The following RTTN variants were observed in gnomAD, a reference collection of about 807,000 sequenced individuals.
RTTN encodes the protein rotatin.
A neutral mutation model predicts 269.2 loss-of-function variants in RTTN; 182 were observed. That is an observed-to-expected ratio of 0.68 (90% CI 0.60 to 0.76). The LOEUF (loss-of-function observed/expected upper bound fraction) is 0.76, where lower values mean the gene tolerates loss of function less well. RTTN is among the 30% of genes least tolerant of loss of function. The pLI is 0.00. For missense variants in RTTN, 2,545 were observed against 2,608.6 expected (o/e 0.98, Z 0.53); for synonymous variants, 1,006 against 963.5 (o/e 1.04, Z -0.82).
chr18:70,144,077 G>A (rs989730120), intron 18 of RTTN, among the ~76,000 whole-genome samples: 3 of 152,028 alleles, frequency 2.0e-5, no homozygotes, highest in African/African-American at 4.8e-5. Context: ...CCTAGGCTGG[G>A]CTCAAGTGGT....
At chr18:70,065,270 T>TAAAAAAA (rs61422284) in intron 35 of RTTN, among the ~76,000 whole-genome samples, 16 of 132,924 alleles carry the variant, frequency 1.2e-4, no homozygotes, top group South Asian at 2.4e-4. Context: ...CTCTAGAATT[T>TAAAAAAA]AAAAAAAAAA....
At chr18:70,068,657 C>T (rs1258254948) in intron 34 of RTTN, among the ~76,000 whole-genome samples, 5 of 152,182 alleles carry the variant, frequency 3.3e-5, no homozygotes, top group Non-Finnish European at 7.3e-5. Flanking sequence ...TCAAGCTTCT[C>T]GCTGCTCTGC....
chr18:70,023,859 T>C (rs536414942), intron 44 of RTTN, among the ~76,000 whole-genome samples: 1 of 152,294 alleles, frequency 6.6e-6, no homozygotes, highest in East Asian at 1.9e-4. Flanking sequence ...CTCGGCTCAC[T>C]GTAACCTCCG....
At chr18:70,175,357 A>T (rs2061263957) in intron 11 of RTTN, among the ~76,000 whole-genome samples, 1 of 152,152 alleles carries the variant, frequency 6.6e-6, no homozygotes, top group Non-Finnish European at 1.5e-5. Context: ...TTTGTGAAAG[A>T]CACCTAAAGC....
At chr18:70,053,291 T>A (rs575990153) in intron 38 of RTTN, 55 of 152,340 alleles carry the variant, frequency 3.6e-4, no homozygotes, top group African/African-American at 1.3e-3. Flanking sequence ...TGTTTTTGCC[T>A]CACCCTCTTC....
intron 32 of RTTN, among the ~76,000 whole-genome samples, chr18:70,085,723 AT>A (rs969001532): frequency 6.6e-5 from 10 of 152,196 alleles, no homozygotes; most frequent in Non-Finnish European, 1.3e-4. Flanking sequence ...TAACTCAAAA[AT>A]AGAAAATCAA....
chr18:70,199,999 A>C (rs1568560850), intron 4 of RTTN, among the ~76,000 whole-genome samples: 1 of 152,260 alleles, frequency 6.6e-6, no homozygotes, highest in Non-Finnish European at 1.5e-5. Flanking sequence ...AGGTCAAAAA[A>C]CAAGTATCAG....
chr18:70,047,499 G>A (rs1455636798), intron 40 of RTTN, among the ~76,000 whole-genome samples: 1 of 152,042 alleles, frequency 6.6e-6, no homozygotes, highest in African/African-American at 2.4e-5. Context: ...TTGGAAAGGG[G>A]GCATTTTCTT....
intron 10 of RTTN, among the ~76,000 whole-genome samples, chr18:70,184,526 T>C (rs147592478): frequency 0.012 from 1,883 of 152,020 alleles, 23 homozygotes; most frequent in South Asian, 0.039. Context: ...CACTCCAGTC[T>C]GGGTGACAGA....
At chr18:70,143,973 C>T (rs1466347605) in intron 18 of RTTN, among the ~76,000 whole-genome samples, 1 of 151,890 alleles carries the variant, frequency 6.6e-6, no homozygotes, top group Non-Finnish European at 1.5e-5. Flanking sequence ...GATTCTCCTA[C>T]CTCAGCCTCC....
chr18:70,004,286 A>G, intron 48 of RTTN, 50 bp from the exon 49 acceptor site: 1 of 1,327,994 alleles, frequency 7.5e-7, no homozygotes, highest in Non-Finnish European at 1.1e-6. Context: ...GAAACTTGGT[A>G]CTATACTTAG....
chr18:70,199,948 C>T (rs916680213), intron 4 of RTTN, among the ~76,000 whole-genome samples: 14 of 152,192 alleles, frequency 9.2e-5, no homozygotes, highest in Non-Finnish European at 2.1e-4. Context: ...TATATGGTGT[C>T]AGGTGTTTTA....
intron 35 of RTTN, among the ~76,000 whole-genome samples, chr18:70,063,746 A>G (rs2058055168): frequency 6.6e-6 from 1 of 152,130 alleles, no homozygotes. Context: ...TTTTTCTGTA[A>G]AGAGAGCTAG....
intron 30 of RTTN, 122 bp downstream of exon 30, chr18:70,091,988 C>G (rs529309199): frequency 2.0e-6 from 1 of 507,252 alleles, no homozygotes; most frequent in Non-Finnish European, 3.6e-6. Context: ...CTCCTGACCT[C>G]GTGATCTGCC....
intron 36 of RTTN, 80 bp from the exon 37 acceptor site, chr18:70,057,912 T>C (rs2057864603): frequency 2.0e-6 from 2 of 993,440 alleles, no homozygotes; most frequent in East Asian, 5.3e-5. Flanking sequence ...AATTTGAAGT[T>C]TAAAGGTAAC....
At chr18:70,177,407 T>C (rs1429376295) in intron 10 of RTTN, among the ~76,000 whole-genome samples, 4 of 152,196 alleles carry the variant, frequency 2.6e-5, no homozygotes, top group African/African-American at 9.7e-5. Context: ...AGGTTTCAAG[T>C]GGAAAATGTT....
chr18:70,038,428 G>C (rs2057241981), intron 40 of RTTN, among the ~76,000 whole-genome samples: 1 of 152,216 alleles, frequency 6.6e-6, no homozygotes, highest in South Asian at 2.1e-4. Flanking sequence ...GACTCTGTTT[G>C]TTTGGGAGAA....
chr18:70,061,946 T>C (rs1417301933), intron 35 of RTTN, among the ~76,000 whole-genome samples: 1 of 152,240 alleles, frequency 6.6e-6, no homozygotes, highest in Non-Finnish European at 1.5e-5. Context: ...ATTTCCGTTA[T>C]GTGAAAGTAA....
intron 44 of RTTN, 79 bp downstream of exon 44, chr18:70,024,642 GT>G: frequency 1.5e-6 from 2 of 1,312,564 alleles, no homozygotes; most frequent in Non-Finnish European, 2.1e-6. Flanking sequence ...ATATGTATTA[GT>G]TTTTCCAGTC....
Sources: allele counts gnomAD v4.1 joint callset (sites outside exome capture counted in the v4.1 genomes callset), GRCh38; gene constraint gnomAD v4.1.1; transcripts MANE v1.5; gene names NCBI Gene and HGNC (gene_info 2026-07-23, HGNC 2026-07-21).